PTPRD: variants seen among roughly 807,000 people sequenced by gnomAD.
PTPRD encodes the protein protein tyrosine phosphatase receptor type D, also known as receptor-type tyrosine-protein phosphatase delta.
Under a neutral mutation model 214.5 loss-of-function variants are expected in PTPRD, and 34 were observed. That is an observed-to-expected ratio of 0.16 (90% confidence interval 0.12 to 0.21). The LOEUF (loss-of-function observed/expected upper bound fraction) is 0.21. PTPRD is among the 10% of genes least tolerant of loss of function. PTPRD has a pLI of 1.00. For missense variants in PTPRD, 2,545 were observed against 2,398.7 expected (o/e 1.06, Z -1.27); for synonymous variants, 1,128 against 845.7 (o/e 1.33, Z -5.79).
intron 39 of PTPRD, among the ~76,000 whole-genome samples, chr9:8,371,804 G>C (rs1416318618): frequency 6.6e-6 from 1 of 152,004 alleles, no homozygotes; most frequent in South Asian, 2.1e-4. Context: ...GGTAGAGAAG[G>C]GGAATTGTTG....
rs560919427 is a variant in PTPRD at position 9,468,578 on chromosome 9, G to T, written c.-236-71096C>A. On this transcript the variant is annotated intron_variant, in intron 8 of 45. Coordinates refer to ENST00000381196, the MANE Select transcript of PTPRD (RefSeq NM_002839.4). Reference sequence around the variant, plus strand: ...GACATATCAGTTATTAATATTCAATGTCTTTATTTCATAAACATGCATTTC... The same window carrying T: ...GACATATCAGTTATTAATATTCAATTTCTTTATTTCATAAACATGCATTTC... 1.1e-4 allele frequency among the ~76,000 whole-genome samples: 16 copies of T among 151,938 alleles called. No individual in the cohort carries two copies. The East Asian group carries it at 3.1e-3, about 29-fold the overall frequency.
intron 39 of PTPRD, among the ~76,000 whole-genome samples, chr9:8,362,474 T>C (rs536573701): frequency 6.6e-6 from 1 of 152,254 alleles, no homozygotes; most frequent in Admixed American, 6.5e-5. Flanking sequence ...TGTAACATGA[T>C]TGGTTATGGT....
At chr9:9,997,443 T>C (rs1186055771) in intron 4 of PTPRD, among the ~76,000 whole-genome samples, 1 of 151,902 alleles carries the variant, frequency 6.6e-6, no homozygotes, top group Non-Finnish European at 1.5e-5. Context: ...GCATGTGCCA[T>C]GATGCCCAGC....
intron 27 of PTPRD, among the ~76,000 whole-genome samples, chr9:8,492,555 G>T (rs1687354280): frequency 1.4e-5 from 2 of 139,496 alleles, no homozygotes; most frequent in South Asian, 2.3e-4. Context: ...TTCTTGTTCT[G>T]TTTTGTTGAT....
chr9:8,791,736 G>A (rs760613554), intron 11 of PTPRD, among the ~76,000 whole-genome samples: 13 of 151,944 alleles, frequency 8.6e-5, no homozygotes, highest in African/African-American at 3.1e-4. Context: ...AGATGACTGA[G>A]GATGCTGACT....
intron 8 of PTPRD, among the ~76,000 whole-genome samples, chr9:9,557,147 C>A (rs573976584): frequency 6.6e-6 from 1 of 152,114 alleles, no homozygotes; most frequent in Non-Finnish European, 1.5e-5. Context: ...TTATAGCTCC[C>A]GCAATTGACT....
chr9:10,584,390 G>A (rs187735813), intron 2 of PTPRD, among the ~76,000 whole-genome samples: 1 of 152,188 alleles, frequency 6.6e-6, no homozygotes, highest in African/African-American at 2.4e-5. Context: ...GAAGTTATGT[G>A]GTTTCAATAC....
At chr9:9,009,395 T>C (rs1489334873) in intron 11 of PTPRD, among the ~76,000 whole-genome samples, 1 of 150,916 alleles carries the variant, frequency 6.6e-6, no homozygotes, top group Non-Finnish European at 1.5e-5. Context: ...TCCACAAATT[T>C]CAGCAGTTCT....
chr9:8,937,861 T>C (rs961335265), intron 11 of PTPRD, among the ~76,000 whole-genome samples: 1 of 152,192 alleles, frequency 6.6e-6, no homozygotes, highest in Non-Finnish European at 1.5e-5. Context: ...GATTCCCTGA[T>C]TCAAAGTATA....
At chr9:8,823,019 C>G (rs971544619) in intron 11 of PTPRD, among the ~76,000 whole-genome samples, 1 of 152,138 alleles carries the variant, frequency 6.6e-6, no homozygotes, top group Non-Finnish European at 1.5e-5. Flanking sequence ...CCATCTACAG[C>G]TGAAGAAAGT....
chr9:9,275,174 A>ATATGTTATATATATAT (rs1491381199), intron 9 of PTPRD, among the ~76,000 whole-genome samples: 1 of 28,954 alleles, frequency 3.5e-5, no homozygotes, highest in African/African-American at 1.6e-4. Context: ...ACATATATAT[A>ATATGTTATATATATAT]ATATATATGT....
intron 3 of PTPRD, among the ~76,000 whole-genome samples, chr9:10,240,214 A>T (rs1354934000): frequency 1.3e-5 from 2 of 152,042 alleles, no homozygotes; most frequent in Non-Finnish European, 2.9e-5. Context: ...TAACCTAAAT[A>T]AAAACAGATC....
rs977678473 is a variant in PTPRD at position 8,359,001 on chromosome 9, G to A, written c.4661+16935C>T. ...CGGGCGCCTGTAGTCCCAGCTACTC[G>A]GGAGGCTGAGGCAGGAGAATGGCGT... On this transcript the variant is annotated intron_variant, in intron 39 of 45. Coordinates refer to ENST00000381196, the MANE Select transcript of PTPRD (RefSeq NM_002839.4). Among the ~76,000 whole-genome samples the A allele has an allele frequency of 1.5e-4, 22 of 148,036 alleles. 1 individual carries two copies. The East Asian group carries it at 2.0e-3, about 14-fold the overall frequency.
At chr9:8,942,367 A>G (rs2099039330) in intron 11 of PTPRD, among the ~76,000 whole-genome samples, 1 of 152,146 alleles carries the variant, frequency 6.6e-6, no homozygotes, top group Admixed American at 6.6e-5. Flanking sequence ...TTCCCGTTTT[A>G]CGTGATGAGG....
chr9:9,001,319 T>G (rs2099417389), intron 11 of PTPRD, among the ~76,000 whole-genome samples: 2 of 152,010 alleles, frequency 1.3e-5, no homozygotes, highest in Admixed American at 1.3e-4. Context: ...ATTTGTGAAT[T>G]AAATATTACT....
In PTPRD at chr9:9,094,318, G is replaced by T. The variant is rs562295692; in HGVS notation, c.-142-75583C>A. The stretch of plus-strand genomic sequence containing the variant: ...ATGAGTGGATAAATAATATATATAA[G>T]ACATCGATTGCCACTCAGCCATAAA... On this transcript the variant is annotated intron_variant, in intron 10 of 45. Transcript: ENST00000381196. 2.0e-5 allele frequency among the ~76,000 whole-genome samples: 3 copies of T among 152,200 alleles called. No homozygotes were observed. In the South Asian group the frequency reaches 6.2e-4, roughly 32 times the overall value.
intron 5 of PTPRD, among the ~76,000 whole-genome samples, chr9:9,783,900 C>A (rs1432028293): frequency 6.7e-6 from 1 of 150,170 alleles, no homozygotes; most frequent in Non-Finnish European, 1.5e-5. Flanking sequence ...AGTGCATACG[C>A]AAGTGATACT....
rs147427272 is a variant in PTPRD, at chr9:8,504,338, T to G, written c.1745A>C (p.Tyr582Ser). ...LQGLKPNSLY[Y>S]FRLAARSPQG... ...AGGGGAGCGTGCAGCCAGACGGAAA[T>G]AGTATAAGCTGTTTGGTTTCAGTCC... Residue 582 changes from tyrosine (Y) to serine (S), a missense_variant, in exon 23 of 46, where the codon TAT becomes TCT. Transcript: ENST00000381196. The G allele has an allele frequency of 6.2e-7, 1 of 1,614,082 alleles. No individual in the cohort carries two copies. Among genetic ancestry groups the G allele is most frequent in the Non-Finnish European group, 8.5e-7 (1 of 1,179,978 alleles).
At chr9:8,821,875 G>A (rs370901154) in intron 11 of PTPRD, among the ~76,000 whole-genome samples, 1 of 152,148 alleles carries the variant, frequency 6.6e-6, no homozygotes, top group Non-Finnish European at 1.5e-5. Flanking sequence ...ATCTTGGCCA[G>A]GCTGGTATCG....
Sources: gnomAD v4.1 joint callset for allele counts (sites outside exome capture counted in the v4.1 genomes callset) on GRCh38, gnomAD v4.1.1 for gene constraint, MANE v1.5 for transcripts, NCBI Gene and HGNC (gene_info 2026-07-23, HGNC 2026-07-21) for gene names.